Variants in MB21D2 observed in about 807,000 individuals in gnomAD.
MB21D2 encodes nucleotidyltransferase MB21D2.
Under a neutral mutation model 33.3 loss-of-function variants are expected in MB21D2, and 9 were observed. The observed-to-expected ratio is 0.27, with a 90% confidence interval of 0.16 to 0.47. The LOEUF (loss-of-function observed/expected upper bound fraction) is 0.47. Ranked by LOEUF, MB21D2 falls within the 20% of genes least tolerant of loss-of-function variation. The pLI, the probability that MB21D2 is intolerant of heterozygous loss-of-function variation, is 0.99. For missense variants in MB21D2, 540 were observed against 624.6 expected (o/e 0.86, Z 1.44); for synonymous variants, 241 against 236.3 (o/e 1.02, Z -0.18).
At chr3:192,810,553 C>T (rs1247301313) in intron 1 of MB21D2, among the ~76,000 whole-genome samples, 1 of 152,192 alleles carries the variant, frequency 6.6e-6, no homozygotes, top group African/African-American at 2.4e-5. Context: ...AGTTTACTAA[C>T]TTGTTTTACT....
chr3:192,904,402 T>C (rs1022368288), intron 1 of MB21D2, among the ~76,000 whole-genome samples: 3 of 152,202 alleles, frequency 2.0e-5, no homozygotes, highest in Non-Finnish European at 4.4e-5. Flanking sequence ...ACCTACAGTT[T>C]TAAACCCCAT....
At chr3:192,893,269 G>A (rs921482997) in intron 1 of MB21D2, among the ~76,000 whole-genome samples, 13 of 152,238 alleles carry the variant, frequency 8.5e-5, no homozygotes, top group Admixed American at 7.8e-4. Context: ...AATGAGAACC[G>A]AAACTGCGTT....
chr3:192,824,341 T>G (rs1179745342), intron 1 of MB21D2, among the ~76,000 whole-genome samples: 1 of 152,010 alleles, frequency 6.6e-6, no homozygotes, highest in Admixed American at 6.5e-5. Flanking sequence ...TGATGGAAAG[T>G]TTAAAGTTGG....
At chr3:192,837,243 G>C (rs1712460774) in intron 1 of MB21D2, among the ~76,000 whole-genome samples, 1 of 152,152 alleles carries the variant, frequency 6.6e-6, no homozygotes, top group African/African-American at 2.4e-5. Context: ...TTCTCTGAGA[G>C]GTTTTCTTTC....
chr3:192,831,212 T>C (rs1056854644), intron 1 of MB21D2, among the ~76,000 whole-genome samples: 1 of 152,188 alleles, frequency 6.6e-6, no homozygotes, highest in South Asian at 2.1e-4. Flanking sequence ...AAAGGAACCT[T>C]GTGGAGACGC....
At position 192,841,362 on chromosome 3, in the gene MB21D2, C is replaced by T. The variant is rs532256632; in HGVS notation, c.212-41712G>A. Among the ~76,000 whole-genome samples the T allele has an allele frequency of 3.3e-4, 51 of 152,372 alleles. 1 individual carries two copies. Among genetic ancestry groups the T allele is most frequent in the Middle Eastern group, 3.4e-3 (1 of 294 alleles). On this transcript the variant is annotated intron_variant, in intron 1 of 1. Coordinates refer to ENST00000392452, the MANE Select transcript of MB21D2 (RefSeq NM_178496.4). ...CTCACCTTGTATCAAAGGTAGCAGT[C>T]AGTGTAACAAATAAGCGTGATGGTT...
At chr3:192,815,695 G>A (rs972908951) in intron 1 of MB21D2, among the ~76,000 whole-genome samples, 2 of 152,304 alleles carry the variant, frequency 1.3e-5, no homozygotes, top group African/African-American at 4.8e-5. Flanking sequence ...GGAGGGATGT[G>A]ACAGGTCTCA....
chr3:192,876,668 C>G (rs1577192689), intron 1 of MB21D2, among the ~76,000 whole-genome samples: 1 of 152,138 alleles, frequency 6.6e-6, no homozygotes, highest in African/African-American at 2.4e-5. Flanking sequence ...TCAATTCTTG[C>G]CACTTCCCTA....
chr3:192,851,179 C>G (rs1712795991), intron 1 of MB21D2, among the ~76,000 whole-genome samples: 1 of 151,954 alleles, frequency 6.6e-6, no homozygotes, highest in African/African-American at 2.4e-5. Context: ...TAGAATTAAG[C>G]TATAAAAAGA....
chr3:192,812,899 T>C (rs1305217112), intron 1 of MB21D2, among the ~76,000 whole-genome samples: 3 of 152,146 alleles, frequency 2.0e-5, no homozygotes, highest in Non-Finnish European at 2.9e-5. Context: ...TATAAATAAA[T>C]GGATTCCTTA....
intron 1 of MB21D2, among the ~76,000 whole-genome samples, chr3:192,802,228 CCACT>C (rs1003919218): frequency 8.5e-5 from 13 of 152,152 alleles, no homozygotes; most frequent in African/African-American, 3.1e-4. Context: ...CTCTGAAGGG[CCACT>C]CAAACTCTGA....
At chr3:192,866,923 A>G (rs1412143627) in intron 1 of MB21D2, among the ~76,000 whole-genome samples, 2 of 152,104 alleles carry the variant, frequency 1.3e-5, no homozygotes, top group African/African-American at 4.8e-5. Flanking sequence ...CTACATGAGG[A>G]AAAGAATGTA....
chr3:192,877,972 A>G (rs1713470916), intron 1 of MB21D2, among the ~76,000 whole-genome samples: 1 of 149,254 alleles, frequency 6.7e-6, no homozygotes, highest in African/African-American at 2.5e-5. Context: ...CCTGTTATTG[A>G]AAAAGAAAAA....
intron 1 of MB21D2, among the ~76,000 whole-genome samples, chr3:192,869,756 T>C (rs1367059599): frequency 1.3e-5 from 2 of 152,178 alleles, no homozygotes; most frequent in Non-Finnish European, 2.9e-5. Flanking sequence ...TCAATGAGCC[T>C]ATTCCAGCCT....
At chr3:192,859,626 T>C (rs774059473) in intron 1 of MB21D2, among the ~76,000 whole-genome samples, 40 of 136,166 alleles carry the variant, frequency 2.9e-4, no homozygotes, top group Admixed American at 6.8e-4. Flanking sequence ...TTATCCACAG[T>C]ACCAAGCCCA....
At chr3:192,884,751 C>T (rs1269262380) in intron 1 of MB21D2, among the ~76,000 whole-genome samples, 2 of 152,078 alleles carry the variant, frequency 1.3e-5, no homozygotes, top group Middle Eastern at 3.2e-3. Flanking sequence ...TATTCACATG[C>T]ACACATGTGT....
At chr3:192,868,358 T>C (rs1335043635) in intron 1 of MB21D2, among the ~76,000 whole-genome samples, 2 of 152,102 alleles carry the variant, frequency 1.3e-5, no homozygotes, top group Non-Finnish European at 1.5e-5. Flanking sequence ...GGGGAGAGAA[T>C]CTCTTTGAAA....
At chr3:192,803,430 C>A (rs991100994) in intron 1 of MB21D2, among the ~76,000 whole-genome samples, 1 of 152,148 alleles carries the variant, frequency 6.6e-6, no homozygotes, top group Non-Finnish European at 1.5e-5. Context: ...TACTAAGCCC[C>A]TATAAGAAAC....
At chr3:192,887,563 CTAAAA>C (rs1713759938) in intron 1 of MB21D2, among the ~76,000 whole-genome samples, 2 of 152,010 alleles carry the variant, frequency 1.3e-5, no homozygotes, top group South Asian at 4.1e-4. Context: ...TAGGTTTGAT[CTAAAA>C]TAATCCACGG....
Sources: gnomAD v4.1 joint callset for allele counts (sites outside exome capture counted in the v4.1 genomes callset) on GRCh38, gnomAD v4.1.1 for gene constraint, MANE v1.5 for transcripts, NCBI Gene and HGNC (gene_info 2026-07-23, HGNC 2026-07-21) for gene names.